ARB2A: variants seen among roughly 807,000 people sequenced by gnomAD.
ARB2A encodes ARB2 cotranscriptional regulator A.
chr5:94,014,072 A>G, the ARB2A span, among the ~76,000 whole-genome samples: 2 of 152,168 alleles, frequency 1.3e-5, no homozygotes, highest in African/African-American at 2.4e-5. Flanking sequence ...TGAGTGCCAA[A>G]AGACAGACAT....
chr5:93,886,536 A>G, the ARB2A span, among the ~76,000 whole-genome samples: 3 of 151,714 alleles, frequency 2.0e-5, no homozygotes, highest in African/African-American at 7.3e-5. Context: ...CTTTTCTGAA[A>G]GATGTATGTT....
At chr5:93,819,414 C>G in the ARB2A span, among the ~76,000 whole-genome samples, 1 of 152,130 alleles carries the variant, frequency 6.6e-6, no homozygotes, top group Non-Finnish European at 1.5e-5. Context: ...AGTTATATTA[C>G]AAATGGCAAT....
chr5:93,952,555 G>A, the ARB2A span, among the ~76,000 whole-genome samples: 5 of 152,084 alleles, frequency 3.3e-5, no homozygotes, highest in Admixed American at 1.3e-4. Flanking sequence ...GAGCTCCATC[G>A]TATATTATTT....
the ARB2A span, among the ~76,000 whole-genome samples, chr5:93,818,944 T>C: frequency 1.3e-5 from 2 of 151,818 alleles, no homozygotes; most frequent in Admixed American, 6.6e-5. Context: ...TCCCAGCACT[T>C]TGGGAGGCCG....
At chr5:94,028,277 G>A in the ARB2A span, among the ~76,000 whole-genome samples, 5 of 152,322 alleles carry the variant, frequency 3.3e-5, no homozygotes, top group East Asian at 9.7e-4. Flanking sequence ...GTGGGAGCAT[G>A]AGAAAATCAT....
chr5:93,870,235 G>A, the ARB2A span, among the ~76,000 whole-genome samples: 1 of 152,104 alleles, frequency 6.6e-6, no homozygotes. Context: ...AGGAAGGAGG[G>A]CAAACTGTTG....
At chr5:93,636,387 C>G in the ARB2A span, among the ~76,000 whole-genome samples, 154 of 152,296 alleles carry the variant, frequency 1.0e-3, no homozygotes, top group African/African-American at 3.6e-3. Flanking sequence ...GTGGTGGTAT[C>G]TGGAGAAGGA....
chr5:93,995,849 C>G, the ARB2A span, among the ~76,000 whole-genome samples: 1 of 152,168 alleles, frequency 6.6e-6, no homozygotes, highest in Non-Finnish European at 1.5e-5. Context: ...AATTTCATAG[C>G]CCTGTCCCAA....
the ARB2A span, among the ~76,000 whole-genome samples, chr5:93,948,580 T>C: frequency 6.6e-6 from 1 of 152,126 alleles, no homozygotes; most frequent in East Asian, 1.9e-4. Context: ...ATGAAGTCCT[T>C]GCCCATGCCT....
the ARB2A span, among the ~76,000 whole-genome samples, chr5:93,936,530 T>A: frequency 7.2e-5 from 11 of 152,180 alleles, no homozygotes; most frequent in Non-Finnish European, 1.5e-4. Context: ...CAGTTATCAA[T>A]AGCAATTTTT....
At chr5:93,859,935 A>G in the ARB2A span, among the ~76,000 whole-genome samples, 2 of 152,204 alleles carry the variant, frequency 1.3e-5, no homozygotes, top group East Asian at 1.9e-4. Flanking sequence ...AATTCTACTA[A>G]TAAGTATAGA....
At chr5:93,852,088 T>C in the ARB2A span, among the ~76,000 whole-genome samples, 2 of 152,232 alleles carry the variant, frequency 1.3e-5, no homozygotes, top group Non-Finnish European at 2.9e-5. Flanking sequence ...AAAGTGTTCC[T>C]ATTTCTCCAC....
chr5:94,072,327 A>G, the ARB2A span, among the ~76,000 whole-genome samples: 1 of 151,992 alleles, frequency 6.6e-6, no homozygotes. Context: ...CACAATACAT[A>G]GGATCGAATT....
the ARB2A span, among the ~76,000 whole-genome samples, chr5:93,749,589 C>A: frequency 6.6e-6 from 1 of 152,092 alleles, no homozygotes; most frequent in Admixed American, 6.6e-5. Flanking sequence ...ACTAGTCTTA[C>A]CCCATTTTAC....
the ARB2A span, among the ~76,000 whole-genome samples, chr5:93,798,320 T>C: frequency 6.6e-6 from 1 of 152,136 alleles, no homozygotes; most frequent in African/African-American, 2.4e-5. Flanking sequence ...ATTAGTCCCC[T>C]TTCTCCTCAA....
chr5:93,999,718 G>C, the ARB2A span, among the ~76,000 whole-genome samples: 1 of 151,900 alleles, frequency 6.6e-6, no homozygotes, highest in Non-Finnish European at 1.5e-5. Flanking sequence ...TTCAATCTTG[G>C]TGCTGTACTT....
the ARB2A span, among the ~76,000 whole-genome samples, chr5:93,837,952 A>G: frequency 6.6e-6 from 1 of 152,100 alleles, no homozygotes; most frequent in African/African-American, 2.4e-5. Context: ...CCTATTCTAT[A>G]GATTGTCTGT....
chr5:94,027,498 G>A, the ARB2A span, among the ~76,000 whole-genome samples: 3,268 of 152,192 alleles, frequency 0.021, 50 homozygotes, highest in Non-Finnish European at 0.033. Flanking sequence ...AACCCCAAAA[G>A]GAAGGACTGG....
the ARB2A span, among the ~76,000 whole-genome samples, chr5:94,068,078 G>A: frequency 6.6e-6 from 1 of 152,140 alleles, no homozygotes; most frequent in Non-Finnish European, 1.5e-5. Context: ...TTTTCTTACA[G>A]CTCCCAAGAT....
Sources: gnomAD v4.1 joint callset for allele counts (sites outside exome capture counted in the v4.1 genomes callset) on GRCh38, gnomAD v4.1.1 for gene constraint, MANE v1.5 for transcripts, NCBI Gene and HGNC (gene_info 2026-07-23, HGNC 2026-07-21) for gene names.